Variants in AKAP13 observed in about 807,000 individuals in gnomAD.
The protein encoded by AKAP13 is A-kinase anchoring protein 13.
AKAP13 carries 80 observed loss-of-function variants against 264.5 expected under a neutral mutation model. The ratio of observed to expected loss-of-function variants is 0.30; its 90% CI spans 0.25 to 0.36. The LOEUF is 0.36. Among genes scored for constraint, AKAP13 ranks in the 10% least tolerant of loss-of-function variants. AKAP13 has a pLI of 1.00. For missense variants in AKAP13, 3,712 were observed against 3,435.2 expected (o/e 1.08, Z -2.01); for synonymous variants, 1,380 against 1,250.2 (o/e 1.10, Z -2.19).
chr15:85,721,968 C>CGTTA, intron 23 of AKAP13, 23 bp from the exon 24 acceptor site: 1 of 1,613,370 alleles, frequency 6.2e-7, no homozygotes, highest in Admixed American at 1.7e-5. Flanking sequence ...CATGGCATAA[C>CGTTA]TTCTGTTCTC....
intron 8 of AKAP13, among the ~76,000 whole-genome samples, chr15:85,638,757 C>T (rs1208723748): frequency 9.6e-6 from 1 of 104,222 alleles, no homozygotes; most frequent in Admixed American, 1.0e-4. Context: ...AGCAACCCCT[C>T]TGAGCCTGTT....
At chr15:85,537,698 C>T (rs1022886921) in intron 4 of AKAP13, among the ~76,000 whole-genome samples, 1 of 152,170 alleles carries the variant, frequency 6.6e-6, no homozygotes, top group Non-Finnish European at 1.5e-5. Flanking sequence ...TGTTTGCATC[C>T]TGGCTTCATT....
At chr15:85,454,328 G>T (rs545355122) in intron 1 of AKAP13, among the ~76,000 whole-genome samples, 1 of 152,326 alleles carries the variant, frequency 6.6e-6, no homozygotes, top group South Asian at 2.1e-4. Flanking sequence ...GGGTTCACAA[G>T]GCGATCTCTT....
intron 8 of AKAP13, among the ~76,000 whole-genome samples, chr15:85,609,519 C>T (rs1005423849): frequency 2.6e-5 from 4 of 152,148 alleles, no homozygotes; most frequent in South Asian, 2.1e-4. Flanking sequence ...ATTCATCTGT[C>T]GATGGACACT....
intron 14 of AKAP13, among the ~76,000 whole-genome samples, chr15:85,673,675 T>TTTC (rs2084047945): frequency 8.4e-6 from 1 of 119,332 alleles, no homozygotes; most frequent in Non-Finnish European, 1.7e-5. Context: ...TCTTTTTTTT[T>TTTC]TTTTTTTTTT....
intron 14 of AKAP13, among the ~76,000 whole-genome samples, chr15:85,671,693 G>A (rs1311114416): frequency 6.6e-6 from 1 of 151,454 alleles, no homozygotes; most frequent in East Asian, 1.9e-4. Flanking sequence ...GTATAGAATG[G>A]AAAGTACAAT....
chr15:85,488,860 A>G (rs1175142904), intron 2 of AKAP13, among the ~76,000 whole-genome samples: 3 of 152,258 alleles, frequency 2.0e-5, no homozygotes, highest in South Asian at 4.1e-4. Context: ...CAGAAATGAT[A>G]TATGATAATA....
chr15:85,402,191 A>G (rs1267676726), intron 1 of AKAP13, among the ~76,000 whole-genome samples: 1 of 152,314 alleles, frequency 6.6e-6, no homozygotes, highest in African/African-American at 2.4e-5. Context: ...CAAGGGCCCA[A>G]GTGAGATTGG....
At chr15:85,566,249 C>G (rs2078601634) in intron 5 of AKAP13, among the ~76,000 whole-genome samples, 1 of 152,142 alleles carries the variant, frequency 6.6e-6, no homozygotes. Context: ...CAGTTTTTTG[C>G]CTTAGTGGTA....
At chr15:85,507,213 G>A (rs570876063) in intron 2 of AKAP13, among the ~76,000 whole-genome samples, 21 of 152,148 alleles carry the variant, frequency 1.4e-4, no homozygotes, top group African/African-American at 4.1e-4. Flanking sequence ...GTCTTTGGGG[G>A]TGTGTGAACT....
rs539206863 is a variant in AKAP13 at position 85,693,972 on chromosome 15, A to G, written c.5464+521A>G. 3.3e-5 allele frequency among the ~76,000 whole-genome samples: 5 copies of G among 152,318 alleles called. No homozygotes were observed. The South Asian group carries it at 1.0e-3, about 32-fold the overall frequency. ...TTTGACTTAATAGTATTTTCAATTT[A>G]CCATGGGTTTATGTGGATGTAGCCT... On this transcript the variant is annotated intron_variant, in intron 17 of 36. Coordinates refer to ENST00000394518, the MANE Select transcript of AKAP13 (RefSeq NM_007200.5).
At chr15:85,392,193 T>C (rs1027800359) in intron 1 of AKAP13, among the ~76,000 whole-genome samples, 3 of 113,060 alleles carry the variant, frequency 2.7e-5, no homozygotes, top group African/African-American at 3.2e-5. Context: ...ATATTACTTA[T>C]TCCATTTTTT....
Position 85,521,594 on chromosome 15 carries a change from T to A in AKAP13, c.181+19T>A. On this transcript the variant is annotated intron_variant, in intron 3 of 36. Coordinates refer to ENST00000394518, the MANE Select transcript of AKAP13 (RefSeq NM_007200.5). The stretch of plus-strand genomic sequence containing the variant: ...GCTCCTGGTAAGTATTTGAATGGGA[T>A]CCTTACTAGCTTTTCCTAGTTCTTA... 6.2e-7 allele frequency: 1 copy of A among 1,612,222 alleles called. No individual in the cohort carries two copies. Among genetic ancestry groups the A allele is most frequent in the South Asian group, 1.1e-5 (1 of 90,782 alleles).
chr15:85,646,382 G>A (rs765939477), intron 10 of AKAP13, among the ~76,000 whole-genome samples: 2 of 152,078 alleles, frequency 1.3e-5, no homozygotes, highest in African/African-American at 2.4e-5. Context: ...AGTCAAGTTC[G>A]CGCCACTAAA....
intron 1 of AKAP13, among the ~76,000 whole-genome samples, chr15:85,455,834 C>A (rs568515432): frequency 5.9e-5 from 9 of 151,876 alleles, no homozygotes; most frequent in South Asian, 2.1e-4. Context: ...CTACTGTAAT[C>A]CCTTTGTAAT....
chr15:85,632,816 C>CT (rs1453564242), intron 8 of AKAP13, among the ~76,000 whole-genome samples: 3 of 152,042 alleles, frequency 2.0e-5, no homozygotes, highest in African/African-American at 4.8e-5. Flanking sequence ...TACTCATTGG[C>CT]TGTGGAATGA....
intron 8 of AKAP13, among the ~76,000 whole-genome samples, chr15:85,631,265 A>C (rs2081787505): frequency 6.6e-6 from 1 of 152,146 alleles, no homozygotes; most frequent in Admixed American, 6.5e-5. Flanking sequence ...CTCTCTAGGC[A>C]CTAGGGGACA....
chr15:85,495,137 G>C lies in AKAP13; in HGVS notation c.33+9384G>C, dbSNP rs535879023. Among the ~76,000 whole-genome samples the C allele has an allele frequency of 3.3e-5, 5 of 152,282 alleles. No individual in the cohort carries two copies. The South Asian group carries it at 8.3e-4, about 25-fold the overall frequency. On this transcript the variant is annotated intron_variant, in intron 2 of 36. Transcript: ENST00000394518. Reference sequence around the variant, plus strand: ...CTCAGCTATTTCATCTTTATACTTAGAGATTCCTCAAGAGGATGGTTACAC... The same window carrying C: ...CTCAGCTATTTCATCTTTATACTTACAGATTCCTCAAGAGGATGGTTACAC...
chr15:85,390,147 G>A (rs774865519), intron 1 of AKAP13, among the ~76,000 whole-genome samples: 10 of 152,150 alleles, frequency 6.6e-5, no homozygotes, highest in Admixed American at 1.3e-4. Flanking sequence ...TGTCAGGCAC[G>A]GTTCTAGGTA....
Sources: gnomAD v4.1 joint callset for allele counts (sites outside exome capture counted in the v4.1 genomes callset) on GRCh38, gnomAD v4.1.1 for gene constraint, MANE v1.5 for transcripts, NCBI Gene and HGNC (gene_info 2026-07-23, HGNC 2026-07-21) for gene names.